Variants in HMSD observed in about 807,000 individuals in gnomAD.
The protein encoded by HMSD is histocompatibility minor serpin domain containing.
Under a neutral mutation model 10.0 loss-of-function variants are expected in HMSD, and 13 were observed. That is an observed-to-expected ratio of 1.31 (90% CI 0.85 to 2.08). The LOEUF is 2.08. Ranked by LOEUF, HMSD falls within the 30% of genes most tolerant of loss-of-function variation. HMSD has a pLI of 0.00. For missense variants in HMSD, 169 were observed against 166.3 expected (o/e 1.02, Z -0.09); for synonymous variants, 51 against 54.2 (o/e 0.94, Z 0.26).
chr18:63,958,618 T>G (rs1451383240), intron 3 of HMSD, among the ~76,000 whole-genome samples: 2 of 152,160 alleles, frequency 1.3e-5, no homozygotes, highest in East Asian at 3.8e-4. Flanking sequence ...GTTTGAACTT[T>G]TTTGGAAAGT....
intron 1 of HMSD, 104 bp downstream of exon 1, chr18:63,949,504 G>C (rs746687469): frequency 2.0e-5 from 3 of 152,422 alleles, no homozygotes; most frequent in Non-Finnish European, 4.4e-5. Context: ...GCCCAGTGAA[G>C]TGCTCAGCGC....
downstream of HMSD, among the ~76,000 whole-genome samples, chr18:63,963,046 T>TTTTCTTTCTTTCTTTCTTTCTTTCTTTC (rs148830154): frequency 2.4e-5 from 3 of 125,432 alleles, 1 homozygote; most frequent in African/African-American, 1.1e-4. Flanking sequence ...TCAGATGTAG[T>TTTTCTTTCTTTCTTTCTTTCTTTCTTTC]TTTCTTTCTT....
rs2050347543 is a variant in HMSD at position 63,954,496 on chromosome 18, C to T, written c.161C>T (p.Thr54Ile). Residue 54 changes from threonine (T) to isoleucine (I), a missense_variant, in exon 3 of 4, where the codon ACT (threonine) becomes ATT (isoleucine). Transcript: ENST00000408945. ...CTTGTTGCAATTAACAGAACTGACA[C>T]TGAATATGTGCTTAGAACTGCCAAC... Reference protein sequence around the residue: ...SLLVAINRTDTEYVLRTANGL... With the variant: ...SLLVAINRTDIEYVLRTANGL... 1 of 1,613,420 alleles carries T rather than the reference C, an allele frequency of 6.2e-7. No individual in the cohort carries two copies. Among genetic ancestry groups the T allele is most frequent in the Admixed American group, 1.7e-5 (1 of 60,006 alleles).
chr18:63,954,299 GCTGTAGTAAGCAT>G, intron 2 of HMSD, 96 bp from the exon 3 acceptor site: 1 of 765,886 alleles, frequency 1.3e-6, no homozygotes. Flanking sequence ...CATCTTTTAA[GCTGTAGTAAGCAT>G]CTGTAAATCT....
chr18:63,951,045 C>A (rs2050327862), intron 1 of HMSD, among the ~76,000 whole-genome samples: 1 of 152,180 alleles, frequency 6.6e-6, no homozygotes, highest in South Asian at 2.1e-4. Flanking sequence ...GTTTTATAAT[C>A]ACTGTTGTAC....
chr18:63,960,491 A>G lies in HMSD; in HGVS notation c.*136A>G. Reference sequence around the variant, plus strand: ...TCTGTGATGTCTCTCTAGATGAAATAATCTCTTCCAGGTTTTTTTGCTTGT... The same window carrying G: ...TCTGTGATGTCTCTCTAGATGAAATGATCTCTTCCAGGTTTTTTTGCTTGT... On this transcript the variant is annotated 3_prime_UTR_variant, in exon 4 of 4. Transcript: ENST00000408945. 2.3e-6 allele frequency: 3 copies of G among 1,284,772 alleles called. No homozygotes were observed. Among genetic ancestry groups the G allele is most frequent in the Non-Finnish European group, 3.1e-6 (3 of 975,384 alleles). 79.6% of individuals were successfully genotyped at this position (1,284,772 alleles called of 1,614,324 possible). A position where few individuals can be genotyped will look rare whatever the true frequency, so the allele number is the denominator to read the frequency against.
chr18:63,965,390 G>A (rs1168316246), downstream of HMSD, among the ~76,000 whole-genome samples: 2 of 152,098 alleles, frequency 1.3e-5, no homozygotes, highest in Non-Finnish European at 1.5e-5. Context: ...GAAAAGATAC[G>A]TTTAGAAACC....
At chr18:63,963,089 C>A (rs546989575), downstream of HMSD, among the ~76,000 whole-genome samples, 46 of 121,044 alleles carry the variant, frequency 3.8e-4, 1 homozygote, top group South Asian at 0.012. Flanking sequence ...TTCTTTCTTT[C>A]TTTCTTTCTT....
chr18:63,967,324 G>A (rs1278025766), intron 3 of HMSD, among the ~76,000 whole-genome samples: 1 of 152,138 alleles, frequency 6.6e-6, no homozygotes, highest in Non-Finnish European at 1.5e-5. Flanking sequence ...AGCAGAGACG[G>A]GGTTTCACCA....
chr18:63,950,415 CAAAA>C (rs562421091), intron 1 of HMSD, among the ~76,000 whole-genome samples: 5,272 of 38,034 alleles, frequency 0.14, 82 homozygotes, highest in Non-Finnish European at 0.17. Flanking sequence ...GACTCTCTCT[CAAAA>C]AAAAAAAAAA....
intron 1 of HMSD, among the ~76,000 whole-genome samples, chr18:63,952,886 C>A (rs1186317937): frequency 6.6e-6 from 1 of 152,174 alleles, no homozygotes; most frequent in Middle Eastern, 3.2e-3. Flanking sequence ...TACATAATCA[C>A]ATATGGAATA....
chr18:63,951,282 T>C (rs2050328953), intron 1 of HMSD, among the ~76,000 whole-genome samples: 1 of 152,220 alleles, frequency 6.6e-6, no homozygotes, highest in Non-Finnish European at 1.5e-5. Flanking sequence ...GTGTTAGCAG[T>C]GTGCTTTAAA....
At chr18:63,968,998 T>C (rs1429784569) in intron 3 of HMSD, among the ~76,000 whole-genome samples, 1 of 152,216 alleles carries the variant, frequency 6.6e-6, no homozygotes, top group Admixed American at 6.5e-5. Flanking sequence ...CTTTACTTAA[T>C]TGGTTTGGGG....
At chr18:63,950,708 C>A (rs202166126) in intron 1 of HMSD, among the ~76,000 whole-genome samples, 162 of 146,406 alleles carry the variant, frequency 1.1e-3, no homozygotes, top group African/African-American at 1.8e-3. Context: ...AGGCATTTGG[C>A]AAAAAAAAGA....
intron 1 of HMSD, among the ~76,000 whole-genome samples, chr18:63,950,782 CTTACA>C: frequency 6.6e-6 from 1 of 151,940 alleles, no homozygotes; most frequent in Non-Finnish European, 1.5e-5. Context: ...CAAAATGGTC[CTTACA>C]TTTGTTTGGC....
intron 2 of HMSD, 25 bp from the exon 3 acceptor site, chr18:63,954,383 A>G: frequency 1.3e-6 from 2 of 1,561,962 alleles, no homozygotes; most frequent in South Asian, 1.1e-5. Flanking sequence ...GAGAATGTGT[A>G]TGTTTATTAT....
intron 1 of HMSD, among the ~76,000 whole-genome samples, chr18:63,949,873 C>G (rs982593308): frequency 7.2e-5 from 11 of 152,110 alleles, no homozygotes; most frequent in African/African-American, 2.7e-4. Flanking sequence ...CTTGACATTC[C>G]TCCTCCTTTA....
downstream of HMSD, among the ~76,000 whole-genome samples, chr18:63,963,222 TC>T (rs1599114089): frequency 1.3e-5 from 1 of 78,434 alleles, no homozygotes; most frequent in East Asian, 3.3e-4. Flanking sequence ...CTTCCTTCCT[TC>T]CTTGCTTCCT....
Position 63,954,514 on chromosome 18 carries a change from C to T in HMSD, c.179C>T (p.Thr60Ile). The part of the protein sequence containing the change: ...NRTDTEYVLR[T>I]ANGLFGEKSY... ...ACTGACACTGAATATGTGCTTAGAA[C>T]TGCCAACGGGCTCTTTGGAGAAAAG... Residue 60 changes from threonine (T) to isoleucine (I), a missense_variant, in exon 3 of 4, where the codon ACT (threonine) becomes ATT (isoleucine). Transcript: ENST00000408945. The T allele has an allele frequency of 1.2e-6, 2 of 1,613,486 alleles. No individual in the cohort carries two copies. The highest frequency in any genetic ancestry group is 1.7e-6 in the Non-Finnish European group (2 of 1,179,536).
Sources: gnomAD v4.1 joint callset for allele counts (sites outside exome capture counted in the v4.1 genomes callset) on GRCh38, gnomAD v4.1.1 for gene constraint, MANE v1.5 for transcripts, NCBI Gene and HGNC (gene_info 2026-07-23, HGNC 2026-07-21) for gene names.